Variants in RBM47 observed in about 807,000 individuals in gnomAD.
RBM47 encodes the protein RNA-binding protein 47.
A neutral mutation model predicts 47.1 loss-of-function variants in RBM47; 21 were observed. That is an observed-to-expected ratio of 0.45 (90% confidence interval 0.32 to 0.64). The LOEUF (loss-of-function observed/expected upper bound fraction) is 0.64, where lower values mean the gene tolerates loss of function less well. Ranked by LOEUF, RBM47 falls within the 30% of genes least tolerant of loss-of-function variation. The pLI is 0.05. For synonymous variants in RBM47, 375 were observed against 361.7 expected (o/e 1.04, Z -0.42); for missense variants, 708 against 870.9 (o/e 0.81, Z 2.35).
At chr4:40,588,102 G>A (rs1361786053) in intron 1 of RBM47, among the ~76,000 whole-genome samples, 2 of 152,298 alleles carry the variant, frequency 1.3e-5, no homozygotes, top group Non-Finnish European at 2.9e-5. Context: ...AGGTGTACTG[G>A]GGTGCAGCCA....
At chr4:40,486,554 T>C (rs559102981) in intron 2 of RBM47, among the ~76,000 whole-genome samples, 49 of 151,984 alleles carry the variant, frequency 3.2e-4, no homozygotes, top group African/African-American at 1.2e-3. Context: ...ATCCCAGTAC[T>C]TTAGGAGGCC....
intron 1 of RBM47, among the ~76,000 whole-genome samples, chr4:40,609,770 T>C (rs1188015245): frequency 2.0e-5 from 3 of 152,088 alleles, no homozygotes; most frequent in Admixed American, 1.3e-4. Flanking sequence ...GGTAACTAAC[T>C]ACCTGCTTTT....
chr4:40,557,146 T>C (rs1730179208), intron 1 of RBM47, among the ~76,000 whole-genome samples: 1 of 152,212 alleles, frequency 6.6e-6, no homozygotes, highest in Non-Finnish European at 1.5e-5. Context: ...ACAGTGTGCT[T>C]ACTTGGCTAA....
At chr4:40,514,126 A>G (rs1037530309) in intron 2 of RBM47, among the ~76,000 whole-genome samples, 2 of 152,150 alleles carry the variant, frequency 1.3e-5, no homozygotes, top group African/African-American at 4.8e-5. Flanking sequence ...ACCACCATTT[A>G]GCAAAACCTT....
chr4:40,469,612 C>T lies in RBM47; in HGVS notation c.-154-2913G>A, dbSNP rs188075401. On this transcript the variant is annotated intron_variant, in intron 2 of 6. Coordinates refer to ENST00000295971, the MANE Select transcript of RBM47 (RefSeq NM_001098634.2). The stretch of plus-strand genomic sequence containing the variant: ...CCATGCCTGGCTAATTTTGGGAGGC[C>T]GAGGCCAGCAGATCAAATGAAATAG... Among the ~76,000 whole-genome samples, 390 of 150,248 alleles carry T rather than the reference C, an allele frequency of 2.6e-3. 1 individual carries two copies. The highest frequency in any genetic ancestry group is 8.5e-3 in the African/African-American group (347 of 40,914).
chr4:40,577,422 A>G (rs1487235685), intron 1 of RBM47, among the ~76,000 whole-genome samples: 1 of 152,134 alleles, frequency 6.6e-6, no homozygotes, highest in Admixed American at 6.6e-5. Flanking sequence ...CACCTCACAC[A>G]GGCAGCCTCA....
chr4:40,540,207 A>T (rs1307674021), intron 2 of RBM47, among the ~76,000 whole-genome samples: 2 of 152,106 alleles, frequency 1.3e-5, no homozygotes, highest in Admixed American at 6.6e-5. Flanking sequence ...CCCAATCTAA[A>T]CACTTTACAT....
intron 2 of RBM47, among the ~76,000 whole-genome samples, chr4:40,490,737 C>T (rs974404509): frequency 6.6e-6 from 1 of 151,350 alleles, no homozygotes; most frequent in Admixed American, 6.6e-5. Context: ...ACAAGTGAGA[C>T]TCTGTCTCAA....
intron 3 of RBM47, among the ~76,000 whole-genome samples, chr4:40,446,735 T>C (rs376459136): frequency 4.6e-4 from 25 of 54,364 alleles, no homozygotes; most frequent in African/African-American, 1.6e-3. Context: ...CAAGACCCAG[T>C]CTCAAAAAAA....
intron 3 of RBM47, among the ~76,000 whole-genome samples, chr4:40,441,744 T>C (rs1229447495): frequency 6.6e-6 from 1 of 152,260 alleles, no homozygotes; most frequent in Non-Finnish European, 1.5e-5. Context: ...GTAGTCAGGC[T>C]ACGGAGTCAT....
intron 3 of RBM47, among the ~76,000 whole-genome samples, chr4:40,443,717 C>CAAA (rs10581870): frequency 0.036 from 1,719 of 47,716 alleles, 340 homozygotes; most frequent in Non-Finnish European, 0.05. Context: ...AACTCCTTCT[C>CAAA]AAAAAAAAAA....
At chr4:40,472,004 T>C (rs1055419933) in intron 2 of RBM47, among the ~76,000 whole-genome samples, 1 of 152,190 alleles carries the variant, frequency 6.6e-6, no homozygotes. Context: ...TAGCACTAGG[T>C]TGAACCATAT....
chr4:40,527,436 ATTT>A (rs60524903), intron 2 of RBM47, among the ~76,000 whole-genome samples: 1,232 of 104,672 alleles, frequency 0.012, 6 homozygotes, highest in African/African-American at 0.037. Flanking sequence ...ACACCTGGCA[ATTT>A]TTTTTTTTTT....
intron 2 of RBM47, among the ~76,000 whole-genome samples, chr4:40,509,755 G>A (rs1026864649): frequency 3.9e-5 from 6 of 152,008 alleles, no homozygotes; most frequent in South Asian, 2.1e-4. Context: ...GCGTGGTGGC[G>A]GGCGCCTGTA....
chr4:40,549,451 C>G (rs1162819999), intron 1 of RBM47, among the ~76,000 whole-genome samples: 1 of 152,024 alleles, frequency 6.6e-6, no homozygotes, highest in Admixed American at 6.6e-5. Context: ...AATAGCACTT[C>G]CCTTAGAGGG....
At chr4:40,570,475 C>T (rs962781945) in intron 1 of RBM47, among the ~76,000 whole-genome samples, 7 of 151,936 alleles carry the variant, frequency 4.6e-5, no homozygotes, top group South Asian at 2.1e-4. Context: ...CACTGATCTG[C>T]GAGGAATCAG....
Position 40,450,607 on chromosome 4 carries a change from GA to G in RBM47, c.-31-11684del, listed in dbSNP as rs199612032. On this transcript the variant is annotated intron_variant, in intron 3 of 6. Transcript: ENST00000295971. ...ACACACAAGACTCTGTCTCAAAAAA[GA>G]AAAAAAAAAATTATTTCACATATAT... Among the ~76,000 whole-genome samples the G allele has an allele frequency of 2.6e-3, 379 of 148,506 alleles. 3 individuals carry two copies. The highest frequency in any genetic ancestry group is 9.1e-3 in the East Asian group (46 of 5,074).
intron 3 of RBM47, among the ~76,000 whole-genome samples, chr4:40,456,571 C>CTT (rs34320480): frequency 0.04 from 4,548 of 112,524 alleles, 339 homozygotes; most frequent in African/African-American, 0.13. Context: ...TTTCTTTTTT[C>CTT]TTTTTTTTTT....
intron 2 of RBM47, among the ~76,000 whole-genome samples, chr4:40,532,853 T>C (rs1239052050): frequency 6.6e-6 from 1 of 152,118 alleles, no homozygotes; most frequent in Non-Finnish European, 1.5e-5. Context: ...CAAGATCCCT[T>C]GATCTCTAGG....
Sources: gnomAD v4.1 joint callset for allele counts (sites outside exome capture counted in the v4.1 genomes callset) on GRCh38, gnomAD v4.1.1 for gene constraint, MANE v1.5 for transcripts, NCBI Gene and HGNC (gene_info 2026-07-23, HGNC 2026-07-21) for gene names.